DLGAP1: variants seen among roughly 807,000 people sequenced by gnomAD.
The protein encoded by DLGAP1 is DLG associated protein 1.
A neutral mutation model predicts 90.8 loss-of-function variants in DLGAP1; 11 were observed. That is an observed-to-expected ratio of 0.12 (90% CI 0.08 to 0.20). The LOEUF is 0.20. DLGAP1 is among the 10% of genes least tolerant of loss of function. The probability of loss-of-function intolerance (pLI) is 1.00; values close to 1 mark genes in which losing one functional copy is unlikely to be tolerated. For missense variants in DLGAP1, 1,050 were observed against 1,333.8 expected (o/e 0.79, Z 3.31); for synonymous variants, 558 against 540.7 (o/e 1.03, Z -0.44).
chr18:4,043,141 A>T (rs1261255332), intron 2 of DLGAP1, among the ~76,000 whole-genome samples: 1 of 152,238 alleles, frequency 6.6e-6, no homozygotes, highest in African/African-American at 2.4e-5. Context: ...TCATTACTGT[A>T]GTAATATTTG....
intron 2 of DLGAP1, among the ~76,000 whole-genome samples, chr18:4,069,071 T>C (rs2075409848): frequency 6.6e-6 from 1 of 152,330 alleles, no homozygotes; most frequent in Non-Finnish European, 1.5e-5. Flanking sequence ...CATTTTATGA[T>C]TGCTCTGAGA....
chr18:4,290,794 T>C (rs1188791635), intron 1 of DLGAP1, among the ~76,000 whole-genome samples: 2 of 152,142 alleles, frequency 1.3e-5, no homozygotes, highest in Non-Finnish European at 2.9e-5. Context: ...AAATGAAAAT[T>C]TTCTAAAAAA....
intron 1 of DLGAP1, among the ~76,000 whole-genome samples, chr18:4,374,323 G>A (rs2081974861): frequency 6.6e-6 from 1 of 152,046 alleles, no homozygotes; most frequent in South Asian, 2.1e-4. Context: ...TGGCATGGAG[G>A]TGAAAAAGAA....
chr18:3,612,997 T>A (rs1396834366), intron 7 of DLGAP1, among the ~76,000 whole-genome samples: 4 of 152,032 alleles, frequency 2.6e-5, no homozygotes, highest in Non-Finnish European at 5.9e-5. Context: ...CCCGCCACCA[T>A]GCCCGGCTAA....
At chr18:4,139,658 C>T (rs1373300036) in intron 2 of DLGAP1, among the ~76,000 whole-genome samples, 1 of 151,812 alleles carries the variant, frequency 6.6e-6, no homozygotes, top group African/African-American at 2.4e-5. Context: ...AGATTAAGTC[C>T]AATGTTTCTT....
chr18:3,914,601 G>T (rs555743640), intron 3 of DLGAP1, among the ~76,000 whole-genome samples: 1 of 152,178 alleles, frequency 6.6e-6, no homozygotes, highest in Admixed American at 6.5e-5. Flanking sequence ...TACTGGATTC[G>T]ATGGTAGTTT....
chr18:3,821,180 T>C (rs532988071), intron 4 of DLGAP1, among the ~76,000 whole-genome samples: 4 of 151,318 alleles, frequency 2.6e-5, no homozygotes, highest in Non-Finnish European at 4.4e-5. Flanking sequence ...GTCCTAGCTA[T>C]TTGGGAGGCT....
intron 5 of DLGAP1, among the ~76,000 whole-genome samples, chr18:3,797,785 T>C (rs2066076269): frequency 6.6e-6 from 1 of 152,210 alleles, no homozygotes; most frequent in South Asian, 2.1e-4. Flanking sequence ...CTGTAAGTCC[T>C]GCTTCCCCAG....
At chr18:3,954,859 G>A (rs2073054193) in intron 3 of DLGAP1, among the ~76,000 whole-genome samples, 1 of 152,130 alleles carries the variant, frequency 6.6e-6, no homozygotes, top group Non-Finnish European at 1.5e-5. Flanking sequence ...CTGACAGATG[G>A]GAAACAAATA....
chr18:4,421,586 T>C lies in DLGAP1; in HGVS notation c.-267+33420A>G, dbSNP rs548217242. ...ATCCACAGTTCACAAGACTATGGAGTTAAAGAGGATTCATACACGTTTGAA... is the reference window on the plus strand; with the variant it reads ...ATCCACAGTTCACAAGACTATGGAGCTAAAGAGGATTCATACACGTTTGAA... On this transcript the variant is annotated intron_variant, in intron 1 of 12. Coordinates refer to ENST00000315677, the MANE Select transcript of DLGAP1 (RefSeq NM_004746.4). Among the ~76,000 whole-genome samples, 7 of 152,226 alleles carry C rather than the reference T, an allele frequency of 4.6e-5. No homozygotes were observed. The South Asian group carries it at 1.5e-3, about 32-fold the overall frequency.
At position 4,235,155 on chromosome 18, in the gene DLGAP1, C is replaced by T. The variant is rs115249815; in HGVS notation, c.-266-83868G>A. ...CAGCTTATTGGAAGCACATATTCTT[C>T]TGTCCCTTGGTGAAGCACTCCTTCA... On this transcript the variant is annotated intron_variant, in intron 1 of 12. Coordinates refer to ENST00000315677, the MANE Select transcript of DLGAP1 (RefSeq NM_004746.4). Among the ~76,000 whole-genome samples, 1,037 of 152,292 alleles carry T rather than the reference C, an allele frequency of 6.8e-3. 13 individuals are homozygous for T. The highest frequency in any genetic ancestry group is 0.024 in the African/African-American group (1,003 of 41,562).
chr18:3,836,915 T>C (rs1486292046), intron 4 of DLGAP1, among the ~76,000 whole-genome samples: 1 of 152,244 alleles, frequency 6.6e-6, no homozygotes, highest in Non-Finnish European at 1.5e-5. Context: ...TGTGGCAGTC[T>C]GTAAAAGTGA....
At chr18:3,736,566 C>T (rs2147560896) in intron 6 of DLGAP1, among the ~76,000 whole-genome samples, 2 of 152,274 alleles carry the variant, frequency 1.3e-5, no homozygotes, top group South Asian at 4.1e-4. Flanking sequence ...TACTAATGAT[C>T]TATTTGAGAA....
At chr18:3,854,589 T>G (rs144267924) in intron 4 of DLGAP1, among the ~76,000 whole-genome samples, 112 of 152,266 alleles carry the variant, frequency 7.4e-4, no homozygotes, top group African/African-American at 2.6e-3. Flanking sequence ...CTCCCTAGAG[T>G]TAGGTAGTGC....
chr18:3,700,700 C>T (rs2061251901), intron 7 of DLGAP1, among the ~76,000 whole-genome samples: 3 of 152,092 alleles, frequency 2.0e-5, no homozygotes. Context: ...AGCTCTACCT[C>T]CCAGGTTCAC....
At chr18:3,665,914 G>A (rs190495122) in intron 7 of DLGAP1, among the ~76,000 whole-genome samples, 11 of 152,308 alleles carry the variant, frequency 7.2e-5, no homozygotes, top group Non-Finnish European at 1.5e-4. Flanking sequence ...GGCAGATGTA[G>A]GGGCACCTTT....
chr18:4,044,609 T>G (rs1397611354), intron 2 of DLGAP1, among the ~76,000 whole-genome samples: 2 of 151,814 alleles, frequency 1.3e-5, no homozygotes, highest in African/African-American at 4.8e-5. Context: ...GGCACGGTGG[T>G]GGGCGCCTGT....
At chr18:4,253,333 G>A (rs2078822127) in intron 1 of DLGAP1, among the ~76,000 whole-genome samples, 2 of 152,166 alleles carry the variant, frequency 1.3e-5, no homozygotes. Flanking sequence ...GTTTCAGTGA[G>A]AAAAGGAAAA....
chr18:4,037,794 T>C (rs778686436), intron 2 of DLGAP1, among the ~76,000 whole-genome samples: 7 of 152,166 alleles, frequency 4.6e-5, no homozygotes, highest in Non-Finnish European at 1.0e-4. Context: ...ACCCCATCTC[T>C]ACCAAAGATA....
Sources: allele counts gnomAD v4.1 joint callset (sites outside exome capture counted in the v4.1 genomes callset), GRCh38; gene constraint gnomAD v4.1.1; transcripts MANE v1.5; gene names NCBI Gene and HGNC (gene_info 2026-07-23, HGNC 2026-07-21).